Variants in CCDC3 observed in about 807,000 individuals in gnomAD.
The protein encoded by CCDC3 is coiled-coil domain-containing protein 3.
A neutral mutation model predicts 21.4 loss-of-function variants in CCDC3; 24 were observed. That is an observed-to-expected ratio of 1.12 (90% CI 0.81 to 1.58). CCDC3 has a LOEUF of 1.58. Among genes scored for constraint, CCDC3 ranks in the 40% most tolerant of loss-of-function variants. The probability of loss-of-function intolerance (pLI) is 0.00; values close to 1 mark genes in which losing one functional copy is unlikely to be tolerated. For missense variants in CCDC3, 425 were observed against 360.9 expected (o/e 1.18, Z -1.44); for synonymous variants, 186 against 166.0 (o/e 1.12, Z -0.93).
intron 2 of CCDC3, among the ~76,000 whole-genome samples, chr10:12,933,456 TTA>T (rs1428996757): frequency 2.3e-5 from 2 of 87,326 alleles, no homozygotes; most frequent in Admixed American, 1.5e-4. Context: ...AATATTCCCT[TTA>T]TTTTTTTTTT....
intron 2 of CCDC3, among the ~76,000 whole-genome samples, chr10:12,965,517 C>T (rs570346453): frequency 1.1e-4 from 16 of 152,182 alleles, no homozygotes; most frequent in Non-Finnish European, 2.1e-4. Flanking sequence ...GATTCCTACT[C>T]CCGATGATTG....
intron 4 of CCDC3, chr10:13,058,038 C>T: frequency 2.7e-6 from 2 of 742,332 alleles, no homozygotes; most frequent in Non-Finnish European, 4.9e-6. Flanking sequence ...TCTTCATCTT[C>T]CTCCATTAAG....
chr10:13,027,726 A>AT (rs1836241951), intron 5 of CCDC3, among the ~76,000 whole-genome samples: 1 of 150,644 alleles, frequency 6.6e-6, no homozygotes, highest in South Asian at 2.1e-4. Context: ...AAATTAAAAA[A>AT]AAAAAACAAA....
At chr10:12,925,733 C>T (rs1327832699) in intron 2 of CCDC3, among the ~76,000 whole-genome samples, 2 of 152,216 alleles carry the variant, frequency 1.3e-5, no homozygotes, top group Non-Finnish European at 2.9e-5. Context: ...GTCCTCCGTC[C>T]CCATGTAGTC....
At chr10:13,070,661 C>A (rs917999472) in intron 4 of CCDC3, among the ~76,000 whole-genome samples, 6 of 152,140 alleles carry the variant, frequency 3.9e-5, no homozygotes, top group Admixed American at 6.6e-5. Context: ...CATGACTAGG[C>A]TCAGCTTTAA....
At chr10:13,088,450 G>A (rs1025374999) in intron 3 of CCDC3, among the ~76,000 whole-genome samples, 3 of 152,176 alleles carry the variant, frequency 2.0e-5, no homozygotes, top group Non-Finnish European at 4.4e-5. Context: ...ATCCAGCAGA[G>A]TCAATATCAT....
intron 2 of CCDC3, among the ~76,000 whole-genome samples, chr10:12,963,315 C>T (rs1589023319): frequency 6.6e-6 from 1 of 152,186 alleles, no homozygotes; most frequent in East Asian, 1.9e-4. Context: ...CTCTCTTCCT[C>T]TATCTCTAAA....
intron 5 of CCDC3, among the ~76,000 whole-genome samples, chr10:13,029,524 G>T (rs1266492062): frequency 6.6e-6 from 1 of 151,888 alleles, no homozygotes; most frequent in African/African-American, 2.4e-5. Context: ...TCAGACGATC[G>T]GTAATAATAA....
chr10:13,061,656 C>A (rs569024381), intron 4 of CCDC3, among the ~76,000 whole-genome samples: 1 of 152,154 alleles, frequency 6.6e-6, no homozygotes, highest in South Asian at 2.1e-4. Flanking sequence ...TGGGACAATT[C>A]AAAAGGAATG....
chr10:12,902,194 A>T (rs1048674752), intron 2 of CCDC3, among the ~76,000 whole-genome samples: 5 of 152,154 alleles, frequency 3.3e-5, no homozygotes, highest in African/African-American at 1.2e-4. Flanking sequence ...AGTTAAGAAA[A>T]AGGAGCCAAG....
At chr10:13,027,756 T>G (rs912341050) in intron 5 of CCDC3, among the ~76,000 whole-genome samples, 16 of 152,076 alleles carry the variant, frequency 1.1e-4, no homozygotes, top group African/African-American at 3.6e-4. Context: ...CTCAGTACTT[T>G]CCGCACCTGA....
chr10:12,927,069 A>G (rs1834554033), intron 2 of CCDC3, among the ~76,000 whole-genome samples: 1 of 152,330 alleles, frequency 6.6e-6, no homozygotes, highest in African/African-American at 2.4e-5. Context: ...ATATCAGCCA[A>G]CGTGATATTT....
In CCDC3 at chr10:13,042,109, C is replaced by T. The variant is rs549201856; in HGVS notation, c.-2+7565G>A. Among the ~76,000 whole-genome samples, 4 of 152,292 alleles carry T rather than the reference C, an allele frequency of 2.6e-5. No individual in the cohort carries two copies. The South Asian group carries it at 6.2e-4, about 24-fold the overall frequency. Reference sequence around the variant, plus strand: ...TGGATGAAACATAGAGTTTGAAGACCAATAGCCTGGATCCAAATATTAACG... The same window carrying T: ...TGGATGAAACATAGAGTTTGAAGACTAATAGCCTGGATCCAAATATTAACG... On this transcript the variant is annotated intron_variant, in intron 5 of 6. Transcript: ENST00000378839.
At chr10:12,986,777 AAAAAAAAC>A (rs1239169762) in intron 2 of CCDC3, among the ~76,000 whole-genome samples, 4 of 84,610 alleles carry the variant, frequency 4.7e-5, no homozygotes, top group Non-Finnish European at 1.3e-4. Flanking sequence ...CGTCTCAAAA[AAAAAAAAC>A]AAAAAAACAA....
intron 4 of CCDC3, among the ~76,000 whole-genome samples, chr10:13,070,140 T>G (rs1836865479): frequency 6.6e-6 from 1 of 152,220 alleles, no homozygotes; most frequent in South Asian, 2.1e-4. Flanking sequence ...TGCTGATCCT[T>G]GTTTTGTTTT....
intron 2 of CCDC3, among the ~76,000 whole-genome samples, chr10:12,929,419 G>A (rs1034647009): frequency 6.6e-6 from 1 of 152,142 alleles, no homozygotes; most frequent in Non-Finnish European, 1.5e-5. Context: ...TCTGATGAGG[G>A]CCTTTCACAG....
At chr10:12,950,846 T>TG (rs1236739425) in intron 2 of CCDC3, among the ~76,000 whole-genome samples, 6 of 152,126 alleles carry the variant, frequency 3.9e-5, no homozygotes. Flanking sequence ...ATGGGGGGCT[T>TG]GGGGGTGGCT....
At chr10:13,076,673 T>C (rs759929436) in intron 3 of CCDC3, among the ~76,000 whole-genome samples, 1 of 152,244 alleles carries the variant, frequency 6.6e-6, no homozygotes, top group Non-Finnish European at 1.5e-5. Flanking sequence ...CCAAGATATC[T>C]GTGCTGGACA....
At chr10:13,083,189 G>A (rs1305263427) in intron 3 of CCDC3, among the ~76,000 whole-genome samples, 2 of 152,144 alleles carry the variant, frequency 1.3e-5, no homozygotes, top group Non-Finnish European at 2.9e-5. Flanking sequence ...GTATTGTAGA[G>A]GACCTTTACT....
Sources: allele counts gnomAD v4.1 joint callset (sites outside exome capture counted in the v4.1 genomes callset), GRCh38; gene constraint gnomAD v4.1.1; transcripts MANE v1.5; gene names NCBI Gene and HGNC (gene_info 2026-07-23, HGNC 2026-07-21).